Variants in FNDC3A observed in about 807,000 individuals in gnomAD.
FNDC3A encodes fibronectin type-III domain-containing protein 3A.
A neutral mutation model predicts 148.9 loss-of-function variants in FNDC3A; 32 were observed. The observed-to-expected ratio is 0.21, with a 90% CI of 0.16 to 0.29. The LOEUF (loss-of-function observed/expected upper bound fraction) is 0.29, where lower values mean the gene tolerates loss of function less well. Among genes scored for constraint, FNDC3A ranks in the 10% least tolerant of loss-of-function variants. The pLI, the probability that FNDC3A is intolerant of heterozygous loss-of-function variation, is 1.00. For missense variants in FNDC3A, 1,191 were observed against 1,452.8 expected (o/e 0.82, Z 2.93); for synonymous variants, 472 against 473.6 (o/e 1.00, Z 0.04).
intron 14 of FNDC3A, among the ~76,000 whole-genome samples, chr13:49,181,526 A>T (rs1479138183): frequency 6.6e-6 from 1 of 152,202 alleles, no homozygotes; most frequent in East Asian, 1.9e-4. Flanking sequence ...GGAAAAAAAA[A>T]CAGGAAGTAG....
chr13:49,110,074 T>C (rs1880447305), intron 3 of FNDC3A, among the ~76,000 whole-genome samples: 1 of 152,190 alleles, frequency 6.6e-6, no homozygotes, highest in Admixed American at 6.6e-5. Flanking sequence ...TTCTGAAAAG[T>C]ATACTTTGAT....
At chr13:49,027,355 G>A (rs1342492884) in intron 2 of FNDC3A, among the ~76,000 whole-genome samples, 10 of 152,150 alleles carry the variant, frequency 6.6e-5, no homozygotes, top group African/African-American at 1.7e-4. Flanking sequence ...CTTTTCCAAC[G>A]CTGTCTCCTT....
At chr13:49,107,798 G>C (rs1314782665) in intron 3 of FNDC3A, among the ~76,000 whole-genome samples, 5 of 152,158 alleles carry the variant, frequency 3.3e-5, no homozygotes, top group Non-Finnish European at 1.5e-5. Flanking sequence ...TTCATGAAAG[G>C]ATTCCTGAGC....
intron 1 of FNDC3A, among the ~76,000 whole-genome samples, chr13:48,988,741 C>G (rs1289262990): frequency 6.6e-6 from 1 of 150,734 alleles, no homozygotes; most frequent in Non-Finnish European, 1.5e-5. Flanking sequence ...GTTCCAGCTA[C>G]TTTGGAGGCT....
At chr13:49,083,667 C>T (rs917279001) in intron 3 of FNDC3A, among the ~76,000 whole-genome samples, 3 of 152,120 alleles carry the variant, frequency 2.0e-5, no homozygotes, top group Non-Finnish European at 2.9e-5. Flanking sequence ...GTGATCCACC[C>T]GCCTCGGCCT....
chr13:49,002,512 T>G (rs1952144244), intron 1 of FNDC3A, among the ~76,000 whole-genome samples: 1 of 152,148 alleles, frequency 6.6e-6, no homozygotes, highest in South Asian at 2.1e-4. Context: ...AGTAAATAAC[T>G]TAATGGTAAT....
intron 1 of FNDC3A, among the ~76,000 whole-genome samples, chr13:48,978,495 G>A (rs1294644257): frequency 6.6e-6 from 1 of 151,990 alleles, no homozygotes; most frequent in African/African-American, 2.4e-5. Flanking sequence ...AATACAATTT[G>A]ATGAAGTAAC....
At chr13:49,075,871 C>G (rs909226988) in intron 3 of FNDC3A, among the ~76,000 whole-genome samples, 2 of 141,418 alleles carry the variant, frequency 1.4e-5, no homozygotes, top group Admixed American at 7.4e-5. Flanking sequence ...TCCAGTCCTA[C>G]CTTTAACAGG....
chr13:49,199,009 A>T (rs1264447930), intron 23 of FNDC3A, among the ~76,000 whole-genome samples: 1 of 152,064 alleles, frequency 6.6e-6, no homozygotes, highest in East Asian at 1.9e-4. Context: ...TTCAGTGTTT[A>T]TTTCTAGCAG....
At chr13:49,197,439 T>G (rs937854816) in intron 20 of FNDC3A, among the ~76,000 whole-genome samples, 2 of 152,222 alleles carry the variant, frequency 1.3e-5, no homozygotes, top group African/African-American at 4.8e-5. Flanking sequence ...CATTTCATAT[T>G]AATAGAATTA....
chr13:49,186,609 T>C (rs1859304975), intron 15 of FNDC3A, among the ~76,000 whole-genome samples: 1 of 152,278 alleles, frequency 6.6e-6, no homozygotes, highest in South Asian at 2.1e-4. Context: ...GGCTTACGCC[T>C]GTAATCCCAA....
At chr13:49,052,127 C>T (rs961731459) in intron 2 of FNDC3A, among the ~76,000 whole-genome samples, 2 of 152,156 alleles carry the variant, frequency 1.3e-5, no homozygotes, top group Non-Finnish European at 1.5e-5. Context: ...CTTCACCCTT[C>T]TCTGATGCCT....
intron 2 of FNDC3A, among the ~76,000 whole-genome samples, chr13:49,017,531 C>T (rs143429674): frequency 2.9e-3 from 449 of 152,314 alleles, no homozygotes; most frequent in African/African-American, 9.7e-3. Context: ...ATACAGCACA[C>T]TGATGGGTCC....
intron 3 of FNDC3A, among the ~76,000 whole-genome samples, chr13:49,077,605 A>C (rs1303836137): frequency 6.6e-6 from 1 of 152,138 alleles, no homozygotes. Flanking sequence ...AGAGAGGGGA[A>C]CCTCACACAC....
chr13:49,171,910 T>C (rs1276729122), intron 10 of FNDC3A, 133 bp from the exon 11 acceptor site: 7 of 607,662 alleles, frequency 1.2e-5, no homozygotes, highest in Non-Finnish European at 1.4e-5. Flanking sequence ...TTTTGTATTT[T>C]TATGAACATT....
At chr13:48,991,653 A>G (rs1486848040) in intron 1 of FNDC3A, among the ~76,000 whole-genome samples, 1 of 151,926 alleles carries the variant, frequency 6.6e-6, no homozygotes, top group Non-Finnish European at 1.5e-5. Context: ...ACACCACTGC[A>G]CTCCAGCCTG....
chr13:49,200,645 A>G (rs951624514), intron 23 of FNDC3A, among the ~76,000 whole-genome samples: 1 of 152,072 alleles, frequency 6.6e-6, no homozygotes, highest in Admixed American at 6.5e-5. Flanking sequence ...TATAAATTCT[A>G]TTATAGAACT....
In FNDC3A at chr13:49,178,596, G is replaced by T; in HGVS notation, c.1559G>T (p.Gly520Val). The T allele has an allele frequency of 6.3e-7, 1 of 1,593,764 alleles. No individual in the cohort carries two copies. The highest frequency in any genetic ancestry group is 8.5e-7 in the Non-Finnish European group (1 of 1,171,070). The change falls in exon 14 of 26, where the codon GGA becomes GTA. Residue 520 changes from glycine to valine, a missense_variant. By Grantham distance (109) the Gly-to-Val change is moderately radical. Coordinates refer to ENST00000492622, the MANE Select transcript of FNDC3A (RefSeq NM_001079673.2). ...TATGGTTTTAAGCCTAAATATGATG[G>T]AGAAGATCTTGCTTACACAGTGAAA... is the stretch of plus-strand genomic sequence containing the variant. ...SGYGFKPKYD[G>V]EDLAYTVKNL... is the part of the protein sequence containing the mutation.
chr13:49,114,219 T>C (rs1880770377), intron 3 of FNDC3A, among the ~76,000 whole-genome samples: 1 of 152,172 alleles, frequency 6.6e-6, no homozygotes, highest in Admixed American at 6.6e-5. Context: ...TTTGAAAATT[T>C]TGCCTTTTGT....
Sources: gnomAD v4.1 joint callset for allele counts (sites outside exome capture counted in the v4.1 genomes callset) on GRCh38, gnomAD v4.1.1 for gene constraint, MANE v1.5 for transcripts, NCBI Gene and HGNC (gene_info 2026-07-23, HGNC 2026-07-21) for gene names.